The following KCND3 variants were observed in gnomAD, a reference collection of about 807,000 sequenced individuals.
The protein encoded by KCND3 is A-type voltage-gated potassium channel KCND3.
A neutral mutation model predicts 51.1 loss-of-function variants in KCND3; 9 were observed. The ratio of observed to expected loss-of-function variants is 0.18; its 90% CI spans 0.11 to 0.31. The LOEUF (loss-of-function observed/expected upper bound fraction) is 0.31. Ranked by LOEUF, KCND3 falls within the 10% of genes least tolerant of loss-of-function variation. KCND3 has a pLI of 1.00. For missense variants in KCND3, 526 were observed against 903.8 expected, an observed-to-expected ratio of 0.58 and a Z score of 5.36; for synonymous variants, 349 against 368.0, an observed-to-expected ratio of 0.95 and a Z score of 0.59.
chr1:111,903,832 C>T (rs990573452), intron 2 of KCND3, among the ~76,000 whole-genome samples: 1 of 152,162 alleles, frequency 6.6e-6, no homozygotes, highest in African/African-American at 2.4e-5. Flanking sequence ...GTCCTTAGGT[C>T]TCTCTTTCAT....
intron 2 of KCND3, among the ~76,000 whole-genome samples, chr1:111,908,847 G>A (rs114016679): frequency 6.6e-6 from 1 of 151,664 alleles, no homozygotes; most frequent in Non-Finnish European, 1.5e-5. Flanking sequence ...GGAGAAGGAG[G>A]GGGGCAGACA....
intron 2 of KCND3, among the ~76,000 whole-genome samples, chr1:111,830,430 T>TATC (rs1294743275): frequency 6.6e-6 from 1 of 152,200 alleles, no homozygotes; most frequent in Non-Finnish European, 1.5e-5. Flanking sequence ...CCCTGGAGCA[T>TATC]ATCTTAAGCC....
rs1386138684 is a variant in KCND3 at position 111,776,065 on chromosome 1, T to C, written c.*12A>G. 1.9e-6 allele frequency: 3 copies of C among 1,614,160 alleles called. No homozygotes were observed. In the South Asian group the frequency reaches 3.3e-5, roughly 18 times the overall value. On this transcript the variant is annotated 3_prime_UTR_variant, in exon 8 of 8. Coordinates refer to ENST00000302127, the MANE Select transcript of KCND3 (RefSeq NM_001378969.1). ...TTCCCCACTACCCACTCTGGCCCTCTGTCCAGTGGTTTTACAAGGCGGAGA... is the reference window on the plus strand; with the variant it reads ...TTCCCCACTACCCACTCTGGCCCTCCGTCCAGTGGTTTTACAAGGCGGAGA...
chr1:111,796,266 C>T (rs1665050753), intron 2 of KCND3, among the ~76,000 whole-genome samples: 1 of 152,090 alleles, frequency 6.6e-6, no homozygotes, highest in Non-Finnish European at 1.5e-5. Context: ...TTTGCTTGTT[C>T]CTATGTCCGG....
intron 2 of KCND3, among the ~76,000 whole-genome samples, chr1:111,850,823 A>G (rs1186186880): frequency 1.3e-5 from 2 of 152,234 alleles, no homozygotes; most frequent in African/African-American, 4.8e-5. Context: ...AAACACCCAC[A>G]TGACACAGAC....
intron 2 of KCND3, among the ~76,000 whole-genome samples, chr1:111,796,038 T>C (rs1665041730): frequency 6.6e-6 from 1 of 152,220 alleles, no homozygotes; most frequent in Admixed American, 6.5e-5. Context: ...GTTATTCGCT[T>C]TTTTGCTTGT....
At chr1:111,886,876 TG>T (rs2101751357) in intron 2 of KCND3, among the ~76,000 whole-genome samples, 1 of 152,346 alleles carries the variant, frequency 6.6e-6, no homozygotes. Context: ...CTGAAGGCAG[TG>T]AGCACTGTAT....
chr1:111,826,097 A>G (rs1666556987), intron 2 of KCND3, among the ~76,000 whole-genome samples: 1 of 152,200 alleles, frequency 6.6e-6, no homozygotes, highest in Admixed American at 6.5e-5. Flanking sequence ...ATCTGTTGGA[A>G]AGCTAGCTTT....
rs1013105098 is a variant in KCND3, at chr1:111,836,783, T to C, written c.1107-49677A>G. ...AACAGGTTGACAGATGTTGGGTAAA[T>C]TTCCCAAGATCCCACCTCTGAGTCT... is the stretch of plus-strand genomic sequence containing the variant. On this transcript the variant is annotated intron_variant, in intron 2 of 7. Transcript: ENST00000302127. Among the ~76,000 whole-genome samples, 8 of 152,082 alleles carry C rather than the reference T, an allele frequency of 5.3e-5. No homozygotes were observed. In the East Asian group the frequency reaches 5.8e-4, roughly 11 times the overall value.
At chr1:111,779,598 G>A (rs945620585) in intron 5 of KCND3, among the ~76,000 whole-genome samples, 1 of 150,506 alleles carries the variant, frequency 6.6e-6, no homozygotes, top group Non-Finnish European at 1.5e-5. Flanking sequence ...TTAGGCACAA[G>A]CATCATTCCA....
chr1:111,828,211 G>C (rs986672047), intron 2 of KCND3, among the ~76,000 whole-genome samples: 2 of 125,484 alleles, frequency 1.6e-5, no homozygotes, highest in Non-Finnish European at 3.7e-5. Flanking sequence ...TTTGGTGTGG[G>C]CAGCAAGTCT....
chr1:111,854,419 G>A (rs1010129442), intron 2 of KCND3, among the ~76,000 whole-genome samples: 3 of 152,084 alleles, frequency 2.0e-5, no homozygotes, highest in African/African-American at 7.2e-5. Context: ...CCTGGGCTAC[G>A]ACCATCTCTT....
intron 2 of KCND3, among the ~76,000 whole-genome samples, chr1:111,881,817 G>T (rs1203462368): frequency 6.6e-6 from 1 of 152,146 alleles, no homozygotes; most frequent in African/African-American, 2.4e-5. Flanking sequence ...GTACATTTCA[G>T]TGATACCCAT....
At position 111,780,118 on chromosome 1, in the gene KCND3, G is replaced by T; in HGVS notation, c.1461+107C>A. The T allele has an allele frequency of 8.3e-7, 1 of 1,209,578 alleles. No individual in the cohort carries two copies. The highest frequency in any genetic ancestry group is 1.2e-6 in the Non-Finnish European group (1 of 837,618). 74.9% of individuals were successfully genotyped at this position (1,209,578 alleles called of 1,614,324 possible). On this transcript the variant is annotated intron_variant, in intron 5 of 7. Transcript: ENST00000302127. This position sits in a 1 kb window ranked among gnomAD's most constrained non-coding sequence, Gnocchi z 4.2. The stretch of plus-strand genomic sequence containing the variant: ...GATCCCATCACTACCTTTTGGATCT[G>T]AAGGGGACAGACTTTGACTTCTGGC...
intron 2 of KCND3, among the ~76,000 whole-genome samples, chr1:111,835,514 A>C (rs1307912771): frequency 1.3e-5 from 2 of 152,298 alleles, no homozygotes; most frequent in East Asian, 3.9e-4. Flanking sequence ...CTGCTGATAA[A>C]ACAGGATGCG....
At chr1:111,983,466 C>A (rs569675384) in intron 1 of KCND3, among the ~76,000 whole-genome samples, 1 of 152,270 alleles carries the variant, frequency 6.6e-6, no homozygotes, top group East Asian at 1.9e-4. Flanking sequence ...CTTGCCCTAG[C>A]AACCTAGTAT....
chr1:111,900,871 C>T (rs563386650), intron 2 of KCND3, among the ~76,000 whole-genome samples: 38 of 152,022 alleles, frequency 2.5e-4, no homozygotes, highest in African/African-American at 8.9e-4. Context: ...GCAGGAGAAT[C>T]GCTTGAACCT....
intron 2 of KCND3, among the ~76,000 whole-genome samples, chr1:111,830,093 T>A (rs934680838): frequency 6.6e-6 from 1 of 152,226 alleles, no homozygotes; most frequent in African/African-American, 2.4e-5. Flanking sequence ...TAGATCTATA[T>A]TCATTTATTA....
intron 2 of KCND3, among the ~76,000 whole-genome samples, chr1:111,930,786 C>A (rs1166261539): frequency 6.6e-6 from 1 of 152,182 alleles, no homozygotes; most frequent in East Asian, 1.9e-4. Flanking sequence ...TGGTTTCTAT[C>A]TTCATTATAA....
Sources: gnomAD v4.1 joint callset for allele counts (sites outside exome capture counted in the v4.1 genomes callset) on GRCh38, gnomAD v4.1.1 for gene constraint, Gnocchi (gnomAD v3.1) non-coding constraint, MANE v1.5 for transcripts, NCBI Gene and HGNC (gene_info 2026-07-23, HGNC 2026-07-21) for gene names.